RCAN2: variants seen among roughly 807,000 people sequenced by gnomAD.
The protein encoded by RCAN2 is calcipressin-2.
A neutral mutation model predicts 23.6 loss-of-function variants in RCAN2; 9 were observed. That is an observed-to-expected ratio of 0.38 (90% confidence interval 0.23 to 0.67). The LOEUF (loss-of-function observed/expected upper bound fraction) is 0.67, where lower values mean the gene tolerates loss of function less well. Ranked by LOEUF, RCAN2 falls within the 30% of genes least tolerant of loss-of-function variation. RCAN2 has a pLI of 0.51. For missense variants in RCAN2, 273 were observed against 302.3 expected (o/e 0.90, Z 0.72); for synonymous variants, 109 against 115.7 (o/e 0.94, Z 0.37).
chr6:46,425,673 C>T (rs1331184695), intron 2 of RCAN2, among the ~76,000 whole-genome samples: 1 of 151,954 alleles, frequency 6.6e-6, no homozygotes, highest in African/African-American at 2.4e-5. Context: ...AATGTGAACA[C>T]CTATGATTAG....
At chr6:46,331,288 G>A (rs1763962836) in intron 2 of RCAN2, among the ~76,000 whole-genome samples, 1 of 152,012 alleles carries the variant, frequency 6.6e-6, no homozygotes, top group South Asian at 2.1e-4. Context: ...TGGGATTACA[G>A]GCTTGAGACA....
intron 2 of RCAN2, among the ~76,000 whole-genome samples, chr6:46,339,014 C>CA (rs3997300): frequency 0.022 from 1,025 of 46,722 alleles, 43 homozygotes; most frequent in African/African-American, 0.059. Flanking sequence ...GACCCTGTCT[C>CA]AAAAAAAAAA....
intron 2 of RCAN2, among the ~76,000 whole-genome samples, chr6:46,404,809 G>A (rs1766351099): frequency 1.3e-5 from 2 of 152,146 alleles, no homozygotes; most frequent in Non-Finnish European, 2.9e-5. Context: ...TGCTACATCA[G>A]TTTCCCCATG....
In RCAN2 at chr6:46,277,628, A is replaced by T. The variant is rs181423282; in HGVS notation, c.226-28732T>A. Reference sequence around the variant, plus strand: ...AGAAAGTAGGTTTTAATTTTACTTAATTTTTTTTGGTCTATAAAGAAGGAA... The same window carrying T: ...AGAAAGTAGGTTTTAATTTTACTTATTTTTTTTTGGTCTATAAAGAAGGAA... On this transcript the variant is annotated intron_variant, in intron 2 of 4. Transcript: ENST00000371374. Among the ~76,000 whole-genome samples, 788 of 151,590 alleles carry T rather than the reference A, an allele frequency of 5.2e-3. 5 individuals carry two copies. The highest frequency in any genetic ancestry group is 0.018 in the African/African-American group (725 of 41,382).
intron 2 of RCAN2, among the ~76,000 whole-genome samples, chr6:46,396,192 T>C (rs1194908431): frequency 6.6e-6 from 1 of 152,146 alleles, no homozygotes; most frequent in Non-Finnish European, 1.5e-5. Context: ...GAATCTTGGT[T>C]ACAATTTTAG....
intron 2 of RCAN2, among the ~76,000 whole-genome samples, chr6:46,331,292 T>C (rs1048059489): frequency 1.6e-4 from 24 of 152,274 alleles, no homozygotes; most frequent in African/African-American, 4.8e-4. Flanking sequence ...ATTACAGGCT[T>C]GAGACACTGC....
chr6:46,428,901 T>C (rs1374994009), intron 2 of RCAN2, among the ~76,000 whole-genome samples: 1 of 152,234 alleles, frequency 6.6e-6, no homozygotes, highest in Non-Finnish European at 1.5e-5. Context: ...CTACCATGGT[T>C]TATACCTTGT....
At chr6:46,314,992 T>C (rs971861501) in intron 2 of RCAN2, among the ~76,000 whole-genome samples, 1 of 152,114 alleles carries the variant, frequency 6.6e-6, no homozygotes. Context: ...GCCCAGGAAG[T>C]GGAGGCTGCA....
chr6:46,392,908 CA>C (rs2150399205), intron 2 of RCAN2, among the ~76,000 whole-genome samples: 1 of 152,098 alleles, frequency 6.6e-6, no homozygotes, highest in South Asian at 2.1e-4. Context: ...TGGTAGGTGC[CA>C]ACATAAGCTT....
At chr6:46,313,203 C>T (rs1454322984) in intron 2 of RCAN2, among the ~76,000 whole-genome samples, 1 of 152,158 alleles carries the variant, frequency 6.6e-6, no homozygotes, top group East Asian at 1.9e-4. Context: ...CCTCCTCATC[C>T]CAGACTACTC....
At chr6:46,246,406 G>A (rs776982958) in intron 4 of RCAN2, among the ~76,000 whole-genome samples, 4 of 152,108 alleles carry the variant, frequency 2.6e-5, no homozygotes, top group Non-Finnish European at 5.9e-5. Flanking sequence ...AGCTGGTAGG[G>A]TTCATTTTGT....
At chr6:46,225,439 C>T (rs539485818) in intron 4 of RCAN2, among the ~76,000 whole-genome samples, 5 of 152,350 alleles carry the variant, frequency 3.3e-5, no homozygotes, top group African/African-American at 9.6e-5. Context: ...TCCTCTCCAG[C>T]ACCTGTTGTT....
chr6:46,331,323 GA>G (rs2150367132), intron 2 of RCAN2, among the ~76,000 whole-genome samples: 1 of 150,792 alleles, frequency 6.6e-6, no homozygotes, highest in Admixed American at 6.6e-5. Flanking sequence ...TTTTTTTCAT[GA>G]TTTACTTCCC....
chr6:46,330,028 T>C (rs1185701358), intron 2 of RCAN2, among the ~76,000 whole-genome samples: 2 of 152,230 alleles, frequency 1.3e-5, no homozygotes, highest in African/African-American at 4.8e-5. Flanking sequence ...GCTCTGCTCC[T>C]TCTGTATGGC....
intron 2 of RCAN2, among the ~76,000 whole-genome samples, chr6:46,408,666 T>C (rs1205235327): frequency 2.0e-5 from 3 of 152,188 alleles, no homozygotes; most frequent in African/African-American, 4.8e-5. Context: ...TTGGCCTCTC[T>C]GCCTTGGTTC....
intron 2 of RCAN2, among the ~76,000 whole-genome samples, chr6:46,270,430 T>C (rs546712946): frequency 6.6e-6 from 1 of 152,290 alleles, no homozygotes; most frequent in South Asian, 2.1e-4. Context: ...CCTCGGCTCT[T>C]CGAGGTTGCA....
intron 2 of RCAN2, among the ~76,000 whole-genome samples, chr6:46,452,119 T>A (rs568215015): frequency 6.6e-6 from 1 of 152,220 alleles, no homozygotes; most frequent in South Asian, 2.1e-4. Context: ...GAACCAAATA[T>A]CATACCAGCT....
At chr6:46,314,987 G>A (rs988519650) in intron 2 of RCAN2, among the ~76,000 whole-genome samples, 1 of 152,232 alleles carries the variant, frequency 6.6e-6, no homozygotes, top group Non-Finnish European at 1.5e-5. Context: ...CTTGAGCCCA[G>A]GAAGTGGAGG....
At chr6:46,433,800 T>C (rs749892413) in intron 2 of RCAN2, among the ~76,000 whole-genome samples, 9 of 152,324 alleles carry the variant, frequency 5.9e-5, no homozygotes, top group Non-Finnish European at 1.2e-4. Context: ...TGTTAGGAAT[T>C]TAATTTAAAT....
Sources: allele counts gnomAD v4.1 joint callset (sites outside exome capture counted in the v4.1 genomes callset), GRCh38; gene constraint gnomAD v4.1.1; transcripts MANE v1.5; gene names NCBI Gene and HGNC (gene_info 2026-07-23, HGNC 2026-07-21).